The following SPOCK3 variants were observed in gnomAD, a reference collection of about 807,000 sequenced individuals.
The protein encoded by SPOCK3 is SPARC (osteonectin), cwcv and kazal like domains proteoglycan 3, also known as testican-3.
SPOCK3 carries 30 observed loss-of-function variants against 56.6 expected under a neutral mutation model. The observed-to-expected ratio is 0.53, with a 90% CI of 0.40 to 0.72. The LOEUF (loss-of-function observed/expected upper bound fraction) is 0.72. Ranked by LOEUF, SPOCK3 falls within the 30% of genes least tolerant of loss-of-function variation. The pLI is 0.00. For synonymous variants in SPOCK3, 196 were observed against 183.3 expected (o/e 1.07, Z -0.56); for missense variants, 527 against 530.0 (o/e 0.99, Z 0.06).
intron 6 of SPOCK3, among the ~76,000 whole-genome samples, chr4:166,877,740 G>T (rs1733242602): frequency 6.6e-6 from 1 of 152,042 alleles, no homozygotes; most frequent in Non-Finnish European, 1.5e-5. Flanking sequence ...TTCTTGAACT[G>T]ATTTTTTTGT....
intron 4 of SPOCK3, among the ~76,000 whole-genome samples, chr4:166,936,872 A>G (rs73861908): frequency 0.025 from 3,821 of 152,212 alleles, 146 homozygotes; most frequent in African/African-American, 0.086. Flanking sequence ...ACACGAATTT[A>G]TCTATATTCC....
intron 2 of SPOCK3, 126 bp from the exon 3 acceptor site, chr4:167,062,663 G>A: frequency 1.6e-6 from 1 of 634,636 alleles, no homozygotes; most frequent in Non-Finnish European, 2.8e-6. Context: ...GCAATGGCAA[G>A]CAGCAAATTA....
chr4:166,846,897 T>TGTACA lies in SPOCK3; in HGVS notation c.589+42232_589+42233insTGTAC, dbSNP rs1748114216. On this transcript the variant is annotated intron_variant, in intron 6 of 10. Transcript: ENST00000357545. ...TCCAAGAAATGTACACAAAACAGTATCAACCCAGGTAAATGTTCCAAAAAT... is the reference window on the plus strand; with the variant it reads ...TCCAAGAAATGTACACAAAACAGTATGTACACAACCCAGGTAAATGTTCCAAAAAT... Among the ~76,000 whole-genome samples the TGTACA allele has an allele frequency of 2.0e-5, 3 of 152,052 alleles. No homozygotes were observed. The South Asian group carries it at 6.2e-4, about 31-fold the overall frequency.
At chr4:166,813,913 T>C (rs1026567375) in intron 6 of SPOCK3, among the ~76,000 whole-genome samples, 4 of 151,656 alleles carry the variant, frequency 2.6e-5, no homozygotes, top group African/African-American at 7.3e-5. Flanking sequence ...TTGCAAAGAG[T>C]CCCTATCAGA....
At chr4:167,123,616 ACT>A (rs1762045137) in intron 2 of SPOCK3, among the ~76,000 whole-genome samples, 3 of 151,046 alleles carry the variant, frequency 2.0e-5, no homozygotes, top group South Asian at 2.1e-4. Context: ...CACCTCTGCC[ACT>A]CTCTGCCAGA....
chr4:166,764,899 G>T (rs533705105), intron 7 of SPOCK3, among the ~76,000 whole-genome samples: 58 of 151,680 alleles, frequency 3.8e-4, no homozygotes, highest in African/African-American at 1.4e-3. Context: ...GTGTGAGATG[G>T]TATCTCATTG....
intron 2 of SPOCK3, among the ~76,000 whole-genome samples, chr4:167,207,891 GT>G: frequency 6.6e-6 from 1 of 152,082 alleles, no homozygotes; most frequent in East Asian, 1.9e-4. Context: ...AAAAAATTCA[GT>G]TTCAGATTGT....
chr4:167,039,299 A>G (rs1753044425), intron 3 of SPOCK3, among the ~76,000 whole-genome samples: 1 of 152,172 alleles, frequency 6.6e-6, no homozygotes, highest in Non-Finnish European at 1.5e-5. Context: ...ATTTACAATG[A>G]CTTTATTTTC....
intron 4 of SPOCK3, among the ~76,000 whole-genome samples, chr4:166,941,829 G>C (rs183725015): frequency 4.6e-5 from 7 of 152,238 alleles, no homozygotes; most frequent in Admixed American, 3.9e-4. Context: ...TTAGGGAACC[G>C]TGTGATGAGC....
At chr4:166,867,832 C>A (rs1254894689) in intron 6 of SPOCK3, among the ~76,000 whole-genome samples, 9 of 151,540 alleles carry the variant, frequency 5.9e-5, no homozygotes, top group Non-Finnish European at 1.0e-4. Context: ...AATTGAGAAA[C>A]ACATTATGTT....
intron 4 of SPOCK3, among the ~76,000 whole-genome samples, chr4:166,914,790 T>C (rs1372709640): frequency 6.6e-6 from 1 of 152,042 alleles, no homozygotes; most frequent in Non-Finnish European, 1.5e-5. Flanking sequence ...CAATTGAAGA[T>C]TTATTAGAAA....
chr4:167,042,378 T>C (rs1753307604), intron 3 of SPOCK3, among the ~76,000 whole-genome samples: 1 of 152,202 alleles, frequency 6.6e-6, no homozygotes, highest in Non-Finnish European at 1.5e-5. Flanking sequence ...ATAGGATATG[T>C]TATGTAATTG....
intron 2 of SPOCK3, among the ~76,000 whole-genome samples, chr4:167,198,969 A>G (rs1201110493): frequency 6.6e-6 from 1 of 152,120 alleles, no homozygotes; most frequent in East Asian, 1.9e-4. Flanking sequence ...ATCATTTTTT[A>G]TGGAAAATAT....
intron 2 of SPOCK3, among the ~76,000 whole-genome samples, chr4:167,196,128 G>C (rs1203875289): frequency 1.3e-5 from 2 of 152,136 alleles, no homozygotes; most frequent in Non-Finnish European, 2.9e-5. Context: ...TGCTTGCAAA[G>C]AGTATATACT....
At chr4:166,967,375 C>T (rs1395244516) in intron 4 of SPOCK3, among the ~76,000 whole-genome samples, 1 of 152,106 alleles carries the variant, frequency 6.6e-6, no homozygotes, top group Admixed American at 6.5e-5. Flanking sequence ...GCTCTGTGTC[C>T]ACCAACCCAT....
At chr4:167,066,406 T>C (rs899809016) in intron 2 of SPOCK3, among the ~76,000 whole-genome samples, 1 of 151,846 alleles carries the variant, frequency 6.6e-6, no homozygotes, top group Admixed American at 6.6e-5. Context: ...TTGCCAAATA[T>C]CCTCTGGAAG....
intron 2 of SPOCK3, among the ~76,000 whole-genome samples, chr4:167,071,319 C>A (rs1245680979): frequency 6.6e-6 from 1 of 152,030 alleles, no homozygotes; most frequent in African/African-American, 2.4e-5. Flanking sequence ...TATACATGTG[C>A]CATGTTGGTT....
chr4:166,898,871 A>G (rs572849759), intron 5 of SPOCK3, among the ~76,000 whole-genome samples: 1 of 152,176 alleles, frequency 6.6e-6, no homozygotes, highest in Non-Finnish European at 1.5e-5. Context: ...TCTGGGCATG[A>G]CTATGAGGAT....
At chr4:166,773,697 G>A (rs1028668031) in intron 7 of SPOCK3, among the ~76,000 whole-genome samples, 2 of 152,156 alleles carry the variant, frequency 1.3e-5, no homozygotes, top group African/African-American at 4.8e-5. Context: ...CTTTATGGGT[G>A]CTGATTCAAT....
Sources: gnomAD v4.1 joint callset for allele counts (sites outside exome capture counted in the v4.1 genomes callset) on GRCh38, gnomAD v4.1.1 for gene constraint, MANE v1.5 for transcripts, NCBI Gene and HGNC (gene_info 2026-07-23, HGNC 2026-07-21) for gene names.